FNIP2: variants seen among roughly 807,000 people sequenced by gnomAD.
FNIP2 encodes the protein folliculin interacting protein 2.
Under a neutral mutation model 108.7 loss-of-function variants are expected in FNIP2, and 32 were observed. That is an observed-to-expected ratio of 0.29 (90% confidence interval 0.22 to 0.40). The LOEUF is 0.40. Among genes scored for constraint, FNIP2 ranks in the 10% least tolerant of loss-of-function variants. The probability of loss-of-function intolerance (pLI) is 1.00; values close to 1 mark genes in which losing one functional copy is unlikely to be tolerated. For missense variants in FNIP2, 1,202 were observed against 1,381.6 expected, an observed-to-expected ratio of 0.87 and a Z score of 2.06; for synonymous variants, 480 against 496.7, an observed-to-expected ratio of 0.97 and a Z score of 0.45.
intron 1 of FNIP2, among the ~76,000 whole-genome samples, chr4:158,819,480 C>T (rs976418319): frequency 3.3e-5 from 5 of 152,220 alleles, no homozygotes; most frequent in Non-Finnish European, 5.9e-5. Flanking sequence ...ATACTCCTGA[C>T]CACAGGATAG....
intron 7 of FNIP2, among the ~76,000 whole-genome samples, chr4:158,849,526 G>C (rs1779581195): frequency 6.6e-6 from 1 of 152,184 alleles, no homozygotes; most frequent in Non-Finnish European, 1.5e-5. Flanking sequence ...GGGAAGGAGA[G>C]AGGCAGGACC....
Position 158,869,222 on chromosome 4 carries a change from T to C in FNIP2, c.2586T>C (p.Pro862=). 6.2e-7 allele frequency: 1 copy of C among 1,614,058 alleles called. No homozygotes were observed. Among genetic ancestry groups the C allele is most frequent in the Non-Finnish European group, 8.5e-7 (1 of 1,179,892 alleles). The stretch of plus-strand genomic sequence containing the variant: ...CCCCCAGGTGTGTCCAGCGGGGCCC[T>C]GGCCTCGTGGCTGGTGCGAATATCC... ...PVAPRCVQRG[P]GLVAGANIPC... is the part of the protein sequence containing the mutation. Residue 862 remains proline, a synonymous_variant, in exon 13 of 17, where the codon CCT becomes CCC. Transcript: ENST00000264433.
At chr4:158,774,142 A>G (rs1775784901) in intron 1 of FNIP2, among the ~76,000 whole-genome samples, 1 of 152,264 alleles carries the variant, frequency 6.6e-6, no homozygotes, top group Non-Finnish European at 1.5e-5. Context: ...ATAAATTTTA[A>G]AAAGTAAAAG....
intron 16 of FNIP2, among the ~76,000 whole-genome samples, chr4:158,897,699 T>C (rs1298327264): frequency 6.6e-6 from 1 of 152,238 alleles, no homozygotes; most frequent in Non-Finnish European, 1.5e-5. Flanking sequence ...GTTTTTTTCT[T>C]GTAAATTTGT....
chr4:158,803,137 G>A (rs1258720345), intron 1 of FNIP2, among the ~76,000 whole-genome samples: 2 of 152,180 alleles, frequency 1.3e-5, no homozygotes, highest in Non-Finnish European at 2.9e-5. Context: ...TGGAATGTGG[G>A]AGTCTAGTCA....
At chr4:158,781,001 C>T (rs554521769) in intron 1 of FNIP2, among the ~76,000 whole-genome samples, 35 of 147,648 alleles carry the variant, frequency 2.4e-4, no homozygotes, top group Admixed American at 1.1e-3. Context: ...CGCCACCGCA[C>T]TCCAGTCTCA....
intron 8 of FNIP2, among the ~76,000 whole-genome samples, chr4:158,854,545 C>G (rs909820643): frequency 4.6e-5 from 7 of 152,228 alleles, no homozygotes; most frequent in Non-Finnish European, 1.0e-4. Flanking sequence ...CGTGCCCTCC[C>G]CATCATAAGG....
At chr4:158,893,978 A>G (rs1286881807) in intron 15 of FNIP2, among the ~76,000 whole-genome samples, 1 of 152,192 alleles carries the variant, frequency 6.6e-6, no homozygotes, top group Admixed American at 6.5e-5. Context: ...CTCCTTAAAA[A>G]AAATCACTTG....
Position 158,904,774 on chromosome 4 carries a change from C to A in FNIP2, c.*230C>A. ...CGTGAACACTTTAGGCCATTTGTTA[C>A]CCATGAATCAACAAAGAAACTGACC... On this transcript the variant is annotated 3_prime_UTR_variant, in exon 17 of 17. Coordinates refer to ENST00000264433, the MANE Select transcript of FNIP2 (RefSeq NM_020840.3). 1 of 496,568 alleles carries A rather than the reference C, an allele frequency of 2.0e-6. No homozygotes were observed. The highest frequency in any genetic ancestry group is 3.6e-6 in the Non-Finnish European group (1 of 275,030). 30.8% of individuals were successfully genotyped at this position (496,568 alleles called of 1,614,324 possible).
chr4:158,842,616 A>G lies in FNIP2; in HGVS notation c.727+7140A>G, dbSNP rs554885371. ...AAGGTGGCTAGCATTTATACCTTAG[A>G]TAAATTAAAATTTAAGGTGTTTTAG... On this transcript the variant is annotated intron_variant, in intron 7 of 16. Coordinates refer to ENST00000264433, the MANE Select transcript of FNIP2 (RefSeq NM_020840.3). Among the ~76,000 whole-genome samples, 20 of 152,332 alleles carry G rather than the reference A, an allele frequency of 1.3e-4. No individual in the cohort carries two copies. The South Asian group carries it at 3.9e-3, about 30-fold the overall frequency.
intron 15 of FNIP2, 63 bp from the exon 16 acceptor site, chr4:158,895,687 C>G (rs1782605724): frequency 3.0e-6 from 3 of 1,001,392 alleles, no homozygotes; most frequent in Non-Finnish European, 4.6e-6. Flanking sequence ...AAAATTCTGA[C>G]TCTTAAAATA....
chr4:158,834,556 C>T (rs1259771139), intron 6 of FNIP2: 1 of 152,116 alleles, frequency 6.6e-6, no homozygotes, highest in Non-Finnish European at 1.5e-5. Context: ...TGACACGCTC[C>T]TACCTACTTA....
chr4:158,791,190 C>G lies in FNIP2; in HGVS notation c.107+21871C>G, dbSNP rs183319034. On this transcript the variant is annotated intron_variant, in intron 1 of 16. Coordinates refer to ENST00000264433, the MANE Select transcript of FNIP2 (RefSeq NM_020840.3). ...TTTTCAGGCAGTTTTGCTTCCAATC[C>G]CCTCTATAACTTCATTTTTATTTTT... is the stretch of plus-strand genomic sequence containing the variant. Among the ~76,000 whole-genome samples, 24 of 147,766 alleles carry G rather than the reference C, an allele frequency of 1.6e-4. No individual in the cohort carries two copies. The East Asian group carries it at 4.6e-3, about 28-fold the overall frequency.
At chr4:158,859,545 T>G in intron 9 of FNIP2, 33 bp from the exon 10 acceptor site, 1 of 1,554,964 alleles carries the variant, frequency 6.4e-7, no homozygotes. Context: ...AAATTTCTTC[T>G]CAGTAATTTG....
intron 7 of FNIP2, among the ~76,000 whole-genome samples, chr4:158,838,393 A>C (rs1018624072): frequency 1.3e-5 from 2 of 151,776 alleles, no homozygotes; most frequent in African/African-American, 4.8e-5. Context: ...GCTAATTTTT[A>C]TATTTTTGGT....
intron 1 of FNIP2, among the ~76,000 whole-genome samples, chr4:158,776,593 T>C (rs1187916596): frequency 1.3e-5 from 2 of 152,214 alleles, no homozygotes; most frequent in Non-Finnish European, 2.9e-5. Context: ...TTAAAGATAG[T>C]TACAAAAATA....
At chr4:158,903,145 G>A (rs1456046600) in intron 16 of FNIP2, among the ~76,000 whole-genome samples, 2 of 152,230 alleles carry the variant, frequency 1.3e-5, no homozygotes, top group East Asian at 1.9e-4. Flanking sequence ...CCTGGTCTGT[G>A]GGTCATGAAG....
intron 1 of FNIP2, among the ~76,000 whole-genome samples, chr4:158,814,502 A>G (rs531374460): frequency 1.1e-4 from 16 of 152,344 alleles, no homozygotes; most frequent in Non-Finnish European, 1.9e-4. Flanking sequence ...GCCTACATGC[A>G]AACACCAGAC....
chr4:158,865,031 C>T (rs536418172), intron 12 of FNIP2, among the ~76,000 whole-genome samples: 14 of 152,192 alleles, frequency 9.2e-5, no homozygotes, highest in Admixed American at 7.9e-4. Flanking sequence ...TTCCTGTGAC[C>T]TCTTCTCCTA....
Sources: gnomAD v4.1 joint callset for allele counts (sites outside exome capture counted in the v4.1 genomes callset) on GRCh38, gnomAD v4.1.1 for gene constraint, MANE v1.5 for transcripts, NCBI Gene and HGNC (gene_info 2026-07-23, HGNC 2026-07-21) for gene names.